Variants in CDKAL1 observed in about 807,000 individuals in gnomAD.
CDKAL1 encodes the protein threonylcarbamoyladenosine tRNA methylthiotransferase.
CDKAL1 carries 32 observed loss-of-function variants against 68.2 expected under a neutral mutation model. The ratio of observed to expected loss-of-function variants is 0.47; its 90% CI spans 0.35 to 0.63. CDKAL1 has a LOEUF of 0.63. CDKAL1 is among the 30% of genes least tolerant of loss of function. CDKAL1 has a pLI of 0.00. For missense variants in CDKAL1, 606 were observed against 696.7 expected (o/e 0.87, Z 1.47); for synonymous variants, 234 against 244.3 (o/e 0.96, Z 0.39).
In CDKAL1 at chr6:20,586,986, T is replaced by TG. The variant is rs1418253183; in HGVS notation, c.286+38281_286+38282insG. Among the ~76,000 whole-genome samples the TG allele has an allele frequency of 2.2e-5, 3 of 138,266 alleles. No individual in the cohort carries two copies. The East Asian group carries it at 6.3e-4, about 29-fold the overall frequency. The allele number at this position is 138,266 out of a possible 152,430, so 90.7% of individuals were successfully genotyped here. A position where few individuals can be genotyped will look rare whatever the true frequency, so the allele number is the denominator to read the frequency against. ...ATGTTCTTCCTCCAGGTGTTTTTTT[T>TG]TTTTTTTTTTTTTTTTTGAGACGGA... On this transcript the variant is annotated intron_variant, in intron 4 of 15. Transcript: ENST00000274695.
intron 13 of CDKAL1, among the ~76,000 whole-genome samples, chr6:21,194,208 C>T (rs1446266513): frequency 1.3e-5 from 2 of 152,220 alleles, no homozygotes; most frequent in Non-Finnish European, 1.5e-5. Flanking sequence ...TAAATTTCAA[C>T]ATGAGTTTTG....
rs151143592 is a variant in CDKAL1, at chr6:20,695,990, A to C, written c.372-43529A>C. On this transcript the variant is annotated intron_variant, in intron 5 of 15. Coordinates refer to ENST00000274695, the MANE Select transcript of CDKAL1 (RefSeq NM_017774.3). ...ACGATTCTACTTTCTGCCTCTCTGAATTTGACTGTTCCAGATTCCTTTATA... is the reference window on the plus strand; with the variant it reads ...ACGATTCTACTTTCTGCCTCTCTGACTTTGACTGTTCCAGATTCCTTTATA... Among the ~76,000 whole-genome samples the C allele has an allele frequency of 1.7e-4, 26 of 152,272 alleles. No individual in the cohort carries two copies. The East Asian group carries it at 5.0e-3, about 29-fold the overall frequency.
At chr6:20,548,546 AT>A in intron 3 of CDKAL1, 46 bp from the exon 4 acceptor site, 4 of 876,686 alleles carry the variant, frequency 4.6e-6, no homozygotes, top group Non-Finnish European at 7.6e-6. Flanking sequence ...AAAAAAAAAA[AT>A]CACTCAATGA....
At chr6:20,677,477 G>A (rs977012122) in intron 5 of CDKAL1, among the ~76,000 whole-genome samples, 4 of 151,738 alleles carry the variant, frequency 2.6e-5, no homozygotes, top group Non-Finnish European at 5.9e-5. Flanking sequence ...GGAGTGCAAT[G>A]GCACGATCTT....
At chr6:21,050,418 C>A (rs529558892) in intron 11 of CDKAL1, among the ~76,000 whole-genome samples, 1 of 152,142 alleles carries the variant, frequency 6.6e-6, no homozygotes, top group Non-Finnish European at 1.5e-5. Context: ...GTACTGCGCC[C>A]AAGAAGGAGG....
chr6:20,700,547 A>G (rs1245470800), intron 5 of CDKAL1, among the ~76,000 whole-genome samples: 2 of 152,188 alleles, frequency 1.3e-5, no homozygotes, highest in Non-Finnish European at 2.9e-5. Context: ...GGCAGAAACT[A>G]GAACAGAAGT....
chr6:21,152,788 T>TTAGG (rs1776472791), intron 13 of CDKAL1, among the ~76,000 whole-genome samples: 1 of 152,248 alleles, frequency 6.6e-6, no homozygotes, highest in Non-Finnish European at 1.5e-5. Context: ...TGATCTTTGT[T>TTAGG]TAACAGATTA....
At chr6:21,150,213 A>G (rs1776350455) in intron 13 of CDKAL1, among the ~76,000 whole-genome samples, 2 of 152,162 alleles carry the variant, frequency 1.3e-5, no homozygotes, top group Admixed American at 1.3e-4. Context: ...AATTTCCCAC[A>G]TAAACTGCAG....
At chr6:21,220,531 C>T (rs1779501616) in intron 15 of CDKAL1, among the ~76,000 whole-genome samples, 1 of 152,270 alleles carries the variant, frequency 6.6e-6, no homozygotes, top group Non-Finnish European at 1.5e-5. Context: ...TAAACAAATG[C>T]CAGCGCACCA....
At chr6:20,841,743 C>A (rs1778182638) in intron 8 of CDKAL1, among the ~76,000 whole-genome samples, 1 of 152,132 alleles carries the variant, frequency 6.6e-6, no homozygotes, top group South Asian at 2.1e-4. Context: ...ACAAAAAAAA[C>A]CTTTTTTACA....
chr6:20,913,034 A>G (rs1762536700), intron 9 of CDKAL1, among the ~76,000 whole-genome samples: 1 of 151,970 alleles, frequency 6.6e-6, no homozygotes, highest in African/African-American at 2.4e-5. Flanking sequence ...TTGAGAGCAG[A>G]TATCTCTGCC....
chr6:20,739,629 T>C lies in CDKAL1; in HGVS notation c.468+14T>C, dbSNP rs775205265. The C allele has an allele frequency of 2.9e-5, 44 of 1,495,370 alleles. No homozygotes were observed. Among genetic ancestry groups the C allele is most frequent in the Admixed American group, 7.9e-5 (4 of 50,882 alleles). The allele number at this position is 1,495,370 out of a possible 1,614,324, so 92.6% of individuals were successfully genotyped here. ...AGTATCATTGGGGTAAGCTTGTACC[T>C]GATGCAAAAAGAGAAAATCTTACAT... On this transcript the variant is annotated intron_variant, in intron 6 of 15. Transcript: ENST00000274695.
chr6:20,920,786 T>A (rs922495865), intron 9 of CDKAL1, among the ~76,000 whole-genome samples: 1 of 152,220 alleles, frequency 6.6e-6, no homozygotes, highest in Non-Finnish European at 1.5e-5. Flanking sequence ...TCAAATACTC[T>A]TAGTTTAGTA....
chr6:20,772,851 A>G (rs1472906512), intron 7 of CDKAL1: 2 of 152,174 alleles, frequency 1.3e-5, no homozygotes, highest in Non-Finnish European at 2.9e-5. Flanking sequence ...CCTCCTCCCC[A>G]GTCCACCAGG....
chr6:20,941,553 G>A (rs1052822033), intron 9 of CDKAL1, among the ~76,000 whole-genome samples: 1 of 152,140 alleles, frequency 6.6e-6, no homozygotes, highest in Admixed American at 6.5e-5. Context: ...AAAATTGTCT[G>A]TGTTTGTTAT....
intron 13 of CDKAL1, among the ~76,000 whole-genome samples, chr6:21,186,137 C>A (rs1274847496): frequency 1.3e-5 from 2 of 152,066 alleles, no homozygotes; most frequent in Non-Finnish European, 2.9e-5. Context: ...GATGTATTGC[C>A]CACTGCTGAA....
intron 13 of CDKAL1, among the ~76,000 whole-genome samples, chr6:21,144,778 G>C (rs1390755639): frequency 6.6e-6 from 1 of 152,028 alleles, no homozygotes; most frequent in Non-Finnish European, 1.5e-5. Context: ...ACTCCAGCCT[G>C]GGTGACACAG....
At chr6:20,830,333 T>C (rs1777662728) in intron 8 of CDKAL1, among the ~76,000 whole-genome samples, 1 of 152,154 alleles carries the variant, frequency 6.6e-6, no homozygotes, top group Non-Finnish European at 1.5e-5. Flanking sequence ...AATGCAACAA[T>C]ATGTTTTGCC....
intron 8 of CDKAL1, among the ~76,000 whole-genome samples, chr6:20,821,099 CAG>C (rs746878603): frequency 6.6e-6 from 1 of 151,916 alleles, no homozygotes; most frequent in Non-Finnish European, 1.5e-5. Flanking sequence ...CCACTATGAG[CAG>C]AGTGTTTGGA....
Sources: allele counts gnomAD v4.1 joint callset (sites outside exome capture counted in the v4.1 genomes callset), GRCh38; gene constraint gnomAD v4.1.1; transcripts MANE v1.5; gene names NCBI Gene and HGNC (gene_info 2026-07-23, HGNC 2026-07-21).